STK33: variants seen among roughly 807,000 people sequenced by gnomAD.
STK33 encodes serine/threonine-protein kinase 33.
A neutral mutation model predicts 58.0 loss-of-function variants in STK33; 52 were observed. That is an observed-to-expected ratio of 0.90 (90% CI 0.72 to 1.13). The LOEUF is 1.13. STK33 is among the 50% of genes most tolerant of loss of function. STK33 has a pLI of 0.00. For missense variants in STK33, 630 were observed against 604.2 expected, an observed-to-expected ratio of 1.04 and a Z score of -0.45; for synonymous variants, 215 against 200.1, an observed-to-expected ratio of 1.07 and a Z score of -0.63.
intron 1 of STK33, among the ~76,000 whole-genome samples, chr11:8,520,467 T>G (rs1490028580): frequency 6.6e-6 from 1 of 152,040 alleles, no homozygotes; most frequent in East Asian, 1.9e-4. Context: ...CACTCCTATT[T>G]AACATAGTGT....
chr11:8,555,725 CA>C (rs892647349), intron 1 of STK33, among the ~76,000 whole-genome samples: 16 of 150,836 alleles, frequency 1.1e-4, no homozygotes, highest in Middle Eastern at 6.8e-3. Context: ...TATCTTACCA[CA>C]AAAAAAAGTG....
chr11:8,501,493 C>T (rs1266119751), intron 1 of STK33, among the ~76,000 whole-genome samples: 1 of 152,150 alleles, frequency 6.6e-6, no homozygotes, highest in Non-Finnish European at 1.5e-5. Flanking sequence ...TATCACTTCA[C>T]ATTCACTAGG....
intron 15 of STK33, among the ~76,000 whole-genome samples, chr11:8,401,149 C>T (rs1200143326): frequency 3.3e-5 from 5 of 152,088 alleles, no homozygotes; most frequent in African/African-American, 4.8e-5. Context: ...AAAAAAGAGC[C>T]CACATTGCCA....
chr11:8,441,769 G>A lies in STK33; in HGVS notation c.872-1016C>T, dbSNP rs544730844. 5.9e-5 allele frequency among the ~76,000 whole-genome samples: 9 copies of A among 152,142 alleles called. No homozygotes were observed. In the East Asian group the frequency reaches 1.5e-3, roughly 26 times the overall value. On this transcript the variant is annotated intron_variant, in intron 11 of 15. Coordinates refer to ENST00000687296, the MANE Select transcript of STK33 (RefSeq NM_001352389.2). Reference sequence around the variant, plus strand: ...AATAAAAAGAAAATAGTTATAAGCAGAAAAATACAATATATGTATATATTT... The same window carrying A: ...AATAAAAAGAAAATAGTTATAAGCAAAAAAATACAATATATGTATATATTT...
intron 1 of STK33, among the ~76,000 whole-genome samples, chr11:8,523,701 G>C (rs1591620393): frequency 9.5e-6 from 1 of 104,978 alleles, no homozygotes; most frequent in Admixed American, 1.1e-4. Context: ...TCCGGGAGGT[G>C]GGGGGTGCCT....
At chr11:8,491,952 C>A (rs1235010382) in intron 1 of STK33, among the ~76,000 whole-genome samples, 2 of 152,178 alleles carry the variant, frequency 1.3e-5, no homozygotes, top group Non-Finnish European at 2.9e-5. Flanking sequence ...AAGCACCAAA[C>A]ACGGAAAGGA....
intron 14 of STK33, among the ~76,000 whole-genome samples, chr11:8,429,586 T>G (rs947098243): frequency 1.3e-5 from 2 of 152,122 alleles, no homozygotes; most frequent in Non-Finnish European, 2.9e-5. Flanking sequence ...CTTCGTTATC[T>G]TACCCCAGTC....
chr11:8,589,307 A>T (rs12224243), intron 1 of STK33, among the ~76,000 whole-genome samples: 1 of 152,190 alleles, frequency 6.6e-6, no homozygotes, highest in Non-Finnish European at 1.5e-5. Flanking sequence ...TGTACCATAC[A>T]ATGGAATTCT....
intron 1 of STK33, among the ~76,000 whole-genome samples, chr11:8,558,398 T>TACACACAC (rs71059170): frequency 6.7e-6 from 1 of 149,684 alleles, no homozygotes; most frequent in Non-Finnish European, 1.5e-5. Flanking sequence ...TTGTCAGTGA[T>TACACACAC]ACACACACAC....
chr11:8,447,934 CAA>C (rs1276557277), intron 11 of STK33, among the ~76,000 whole-genome samples: 3 of 152,186 alleles, frequency 2.0e-5, no homozygotes, highest in Non-Finnish European at 2.9e-5. Flanking sequence ...GCAACTTCAG[CAA>C]AGTCTCAGGA....
At chr11:8,577,605 G>A (rs1958279663) in intron 1 of STK33, among the ~76,000 whole-genome samples, 1 of 151,792 alleles carries the variant, frequency 6.6e-6, no homozygotes, top group Non-Finnish European at 1.5e-5. Flanking sequence ...ATCACTCCTG[G>A]ACATAGTAAT....
At chr11:8,447,104 A>G (rs1381837077) in intron 11 of STK33, among the ~76,000 whole-genome samples, 1 of 152,208 alleles carries the variant, frequency 6.6e-6, no homozygotes, top group South Asian at 2.1e-4. Flanking sequence ...TTTACAGGGA[A>G]CTTAAACTTA....
At chr11:8,436,464 G>C (rs1047902676) in intron 12 of STK33, among the ~76,000 whole-genome samples, 6 of 152,190 alleles carry the variant, frequency 3.9e-5, no homozygotes, top group Non-Finnish European at 8.8e-5. Flanking sequence ...GGGAAGGTGA[G>C]TGTAAGTGTA....
chr11:8,414,994 C>A (rs997061290), intron 14 of STK33, among the ~76,000 whole-genome samples: 13 of 152,076 alleles, frequency 8.5e-5, no homozygotes, highest in African/African-American at 3.1e-4. Flanking sequence ...GAGCTGAAAT[C>A]AGGTAGAATG....
intron 1 of STK33, among the ~76,000 whole-genome samples, chr11:8,522,155 T>C (rs528607243): frequency 6.6e-6 from 1 of 152,332 alleles, no homozygotes; most frequent in East Asian, 1.9e-4. Context: ...TAAATCATGC[T>C]GCTATAAAGA....
intron 1 of STK33, among the ~76,000 whole-genome samples, chr11:8,519,236 T>G (rs1301984097): frequency 6.6e-6 from 1 of 152,164 alleles, no homozygotes; most frequent in African/African-American, 2.4e-5. Context: ...TGCTCCGGAA[T>G]GACTACTGGG....
In STK33 at chr11:8,475,082, A is replaced by T. The variant is rs922514213; in HGVS notation, c.-161-16T>A. On this transcript the variant is annotated splice_polypyrimidine_tract_variant and intron_variant, in intron 4 of 15. Transcript: ENST00000687296. ...CACGTGAGAGCTGCAGAAAGAAAAGAAATAACCATTTAGAGAAATTCTTAA... is the reference window on the plus strand; with the variant it reads ...CACGTGAGAGCTGCAGAAAGAAAAGTAATAACCATTTAGAGAAATTCTTAA... 3.0e-4 allele frequency: 148 copies of T among 498,982 alleles called. No homozygotes were observed. The Middle Eastern group carries it at 3.1e-3, about 10-fold the overall frequency. The allele number at this position is 498,982 out of a possible 1,614,324, so 30.9% of individuals were successfully genotyped here. A position where few individuals can be genotyped will look rare whatever the true frequency, so the allele number is the denominator to read the frequency against.
At chr11:8,531,678 A>G (rs1374914365) in intron 1 of STK33, among the ~76,000 whole-genome samples, 1 of 152,222 alleles carries the variant, frequency 6.6e-6, no homozygotes, top group African/African-American at 2.4e-5. Context: ...CTCCCACAGA[A>G]CCGGGAAAAA....
chr11:8,587,405 C>G (rs982718399), intron 1 of STK33, among the ~76,000 whole-genome samples: 1 of 151,950 alleles, frequency 6.6e-6, no homozygotes, highest in African/African-American at 2.4e-5. Flanking sequence ...AATGCAGGAC[C>G]AAAATTTGAA....
Sources: allele counts gnomAD v4.1 joint callset (sites outside exome capture counted in the v4.1 genomes callset), GRCh38; gene constraint gnomAD v4.1.1; transcripts MANE v1.5; gene names NCBI Gene and HGNC (gene_info 2026-07-23, HGNC 2026-07-21).